ASAP1: variants seen among roughly 807,000 people sequenced by gnomAD.
The protein encoded by ASAP1 is ArfGAP with SH3 domain, ankyrin repeat and PH domain 1.
In ASAP1, 43 loss-of-function variants were observed where a neutral mutation model predicts 145.2. That is an observed-to-expected ratio of 0.30 (90% CI 0.23 to 0.38). ASAP1 has a LOEUF of 0.38. Ranked by LOEUF, ASAP1 falls within the 10% of genes least tolerant of loss-of-function variation. The pLI is 1.00. For synonymous variants in ASAP1, 546 were observed against 515.5 expected, an observed-to-expected ratio of 1.06 and a Z score of -0.80; for missense variants, 1,018 against 1,355.3, an observed-to-expected ratio of 0.75 and a Z score of 3.91.
chr8:130,226,541 A>C (rs540561140), intron 4 of ASAP1, among the ~76,000 whole-genome samples: 1 of 152,320 alleles, frequency 6.6e-6, no homozygotes, highest in East Asian at 1.9e-4. Context: ...ATTCATTTCT[A>C]TAATTTCTCA....
intron 3 of ASAP1, among the ~76,000 whole-genome samples, chr8:130,278,969 G>A (rs1044148630): frequency 2.6e-5 from 4 of 152,158 alleles, no homozygotes; most frequent in Admixed American, 6.5e-5. Flanking sequence ...GACAAGCAAG[G>A]CAGGAACCCT....
chr8:130,333,541 T>C (rs1248727113), intron 3 of ASAP1, among the ~76,000 whole-genome samples: 1 of 152,122 alleles, frequency 6.6e-6, no homozygotes, highest in Non-Finnish European at 1.5e-5. Flanking sequence ...GAGGCGGAGG[T>C]TGTGGTGAGC....
chr8:130,078,014 C>CGAAGTCT (rs1564933580), intron 26 of ASAP1, among the ~76,000 whole-genome samples: 1 of 145,844 alleles, frequency 6.9e-6, no homozygotes, highest in Non-Finnish European at 1.5e-5. Context: ...TTTTTTGAGA[C>CGAAGTCT]GAAGTCTCGC....
intron 3 of ASAP1, among the ~76,000 whole-genome samples, chr8:130,284,751 A>T (rs969499189): frequency 6.6e-6 from 1 of 152,062 alleles, no homozygotes; most frequent in African/African-American, 2.4e-5. Flanking sequence ...TTTGCACAGA[A>T]GAAAAAAACA....
chr8:130,442,334 G>C (rs1466602781), intron 1 of ASAP1, among the ~76,000 whole-genome samples: 2 of 152,080 alleles, frequency 1.3e-5, no homozygotes, highest in Non-Finnish European at 2.9e-5. Flanking sequence ...CACCTTTCTG[G>C]GCCTTCTCTG....
At chr8:130,194,429 A>G (rs1341622325) in intron 5 of ASAP1, among the ~76,000 whole-genome samples, 2 of 151,932 alleles carry the variant, frequency 1.3e-5, no homozygotes, top group Non-Finnish European at 2.9e-5. Context: ...CAGAAAACCT[A>G]TTCTCTCAGT....
intron 1 of ASAP1, among the ~76,000 whole-genome samples, chr8:130,435,677 C>A (rs898400151): frequency 2.1e-4 from 32 of 152,038 alleles, no homozygotes; most frequent in African/African-American, 7.5e-4. Flanking sequence ...GAACTGAGAC[C>A]CCTTTATAAA....
At chr8:130,400,790 C>CTA (rs1554904984) in intron 2 of ASAP1, among the ~76,000 whole-genome samples, 4,986 of 103,040 alleles carry the variant, frequency 0.048, 122 homozygotes, top group Middle Eastern at 0.12. Context: ...GACTCCGTCT[C>CTA]AAAAAAAAAA....
At chr8:130,250,839 A>G (rs773172262) in intron 3 of ASAP1, among the ~76,000 whole-genome samples, 1 of 152,198 alleles carries the variant, frequency 6.6e-6, no homozygotes, top group Non-Finnish European at 1.5e-5. Flanking sequence ...GATGCTGGAA[A>G]GTATTCTGGA....
intron 4 of ASAP1, among the ~76,000 whole-genome samples, chr8:130,231,542 A>G (rs896730016): frequency 6.6e-6 from 1 of 152,190 alleles, no homozygotes; most frequent in Non-Finnish European, 1.5e-5. Flanking sequence ...CAGCCATATA[A>G]TAATATGTTC....
intron 7 of ASAP1, 82 bp from the exon 8 acceptor site, chr8:130,180,962 A>C: frequency 1.6e-6 from 2 of 1,262,334 alleles, no homozygotes. Flanking sequence ...AATACAAACT[A>C]TGGATTTGGG....
chr8:130,217,290 CA>C (rs1816987150), intron 4 of ASAP1, among the ~76,000 whole-genome samples: 1 of 151,932 alleles, frequency 6.6e-6, no homozygotes, highest in South Asian at 2.1e-4. Flanking sequence ...AGATATTTAT[CA>C]AAGTCATATC....
Position 130,159,321 on chromosome 8 carries a change from A to G in ASAP1, c.1010+543T>C, listed in dbSNP as rs928695720. ...GTGAGCAACAGGCAGAGAAAACTGC[A>G]GTGAATAAAAGGGTAGAGGGGCCGG... On this transcript the variant is annotated intron_variant, in intron 12 of 29. Transcript: ENST00000518721. 4.9e-4 allele frequency among the ~76,000 whole-genome samples: 75 copies of G among 152,002 alleles called. 2 individuals carry two copies. The highest frequency in any genetic ancestry group is 3.3e-4 in the Admixed American group (5 of 15,252).
At chr8:130,407,487 G>C (rs13276168) in intron 1 of ASAP1, among the ~76,000 whole-genome samples, 1 of 152,002 alleles carries the variant, frequency 6.6e-6, no homozygotes, top group Non-Finnish European at 1.5e-5. Context: ...GTACATAGAC[G>C]CTCAATAAAT....
At chr8:130,056,170 A>G (rs532290213) in intron 29 of ASAP1, among the ~76,000 whole-genome samples, 148 of 152,280 alleles carry the variant, frequency 9.7e-4, no homozygotes, top group South Asian at 2.5e-3. Flanking sequence ...ATCATGTCCT[A>G]TTTTTCAGAG....
rs760543677 is a variant in ASAP1, at chr8:130,054,809, C to T, written c.3316-4G>A. 1.2e-6 allele frequency: 2 copies of T among 1,612,924 alleles called. No individual in the cohort carries two copies. The highest frequency in any genetic ancestry group is 1.7e-6 in the Non-Finnish European group (2 of 1,179,032). ...GCTGTCCTTCGATGTGGCCAATCTG[C>T]AGGGAGAAAAGAGAGTGGTCAGGAT... On this transcript the variant is annotated splice_polypyrimidine_tract_variant and splice_region_variant and intron_variant, in intron 29 of 29. Transcript: ENST00000518721.
chr8:130,137,070 T>C, intron 13 of ASAP1, 32 bp from the exon 14 acceptor site: 6 of 1,562,486 alleles, frequency 3.8e-6, no homozygotes, highest in Non-Finnish European at 5.3e-6. Flanking sequence ...AGAAGTTACA[T>C]GCAGCTCCAC....
intron 12 of ASAP1, among the ~76,000 whole-genome samples, chr8:130,156,857 T>A (rs138073812): frequency 6.6e-6 from 1 of 152,346 alleles, no homozygotes; most frequent in East Asian, 1.9e-4. Context: ...GTTTGAACTA[T>A]GCAACACTTA....
At chr8:130,091,242 T>G (rs1056022168) in intron 25 of ASAP1, among the ~76,000 whole-genome samples, 1 of 152,168 alleles carries the variant, frequency 6.6e-6, no homozygotes, top group Non-Finnish European at 1.5e-5. Context: ...TCATGGAGCT[T>G]ACATTTTAGT....
Sources: allele counts gnomAD v4.1 joint callset (sites outside exome capture counted in the v4.1 genomes callset), GRCh38; gene constraint gnomAD v4.1.1; transcripts MANE v1.5; gene names NCBI Gene and HGNC (gene_info 2026-07-23, HGNC 2026-07-21).